The following GAS7 variants were observed in gnomAD, a reference collection of about 807,000 sequenced individuals.
The protein encoded by GAS7 is growth arrest specific 7, also known as growth arrest-specific protein 7.
Under a neutral mutation model 71.1 loss-of-function variants are expected in GAS7, and 28 were observed. That is an observed-to-expected ratio of 0.39 (90% CI 0.29 to 0.54). The LOEUF (loss-of-function observed/expected upper bound fraction) is 0.54, where lower values mean the gene tolerates loss of function less well. Among genes scored for constraint, GAS7 ranks in the 20% least tolerant of loss-of-function variants. GAS7 has a pLI of 0.62. For synonymous variants in GAS7, 258 were observed against 245.8 expected (o/e 1.05, Z -0.46); for missense variants, 436 against 627.8 (o/e 0.69, Z 3.27).
At chr17:10,179,136 C>T (rs1052910970) in intron 1 of GAS7, among the ~76,000 whole-genome samples, 2 of 151,978 alleles carry the variant, frequency 1.3e-5, no homozygotes, top group Non-Finnish European at 2.9e-5. Context: ...TCGAGACCAG[C>T]CTGACCAACA....
chr17:10,193,471 T>TA (rs2074517484), intron 1 of GAS7, among the ~76,000 whole-genome samples: 2 of 152,080 alleles, frequency 1.3e-5, no homozygotes, highest in Non-Finnish European at 2.9e-5. Context: ...GCCTCCCTCA[T>TA]AACCGCACCT....
chr17:9,951,940 G>T (rs1033953939), intron 5 of GAS7, among the ~76,000 whole-genome samples: 1 of 152,016 alleles, frequency 6.6e-6, no homozygotes, highest in African/African-American at 2.4e-5. Flanking sequence ...ACCCCAGCAG[G>T]CCTGTGCAGA....
At chr17:10,057,895 C>T (rs531272189) in intron 1 of GAS7, among the ~76,000 whole-genome samples, 2 of 152,370 alleles carry the variant, frequency 1.3e-5, no homozygotes, top group Non-Finnish European at 2.9e-5. Flanking sequence ...CCATTTTGTT[C>T]TGTACTAAGA....
chr17:9,981,125 C>G lies in GAS7; in HGVS notation c.385+679G>C, dbSNP rs2070395207. Among the ~76,000 whole-genome samples the G allele has an allele frequency of 6.6e-6, 1 of 152,142 alleles. No homozygotes were observed. Among genetic ancestry groups the G allele is most frequent in the South Asian group, 2.1e-4 (1 of 4,820 alleles). On this transcript the variant is annotated intron_variant, in intron 3 of 13. Transcript: ENST00000432992. The surrounding 1 kb of genome is among the most constrained non-coding windows in gnomAD (Gnocchi z 4.4). ...TGGCCAACATGGCGAAATCCCGTCT[C>G]TACTAAAAATACACAAATTAGCCGG...
At chr17:10,048,458 A>C (rs1049218371) in intron 1 of GAS7, among the ~76,000 whole-genome samples, 4 of 152,242 alleles carry the variant, frequency 2.6e-5, no homozygotes, top group Non-Finnish European at 5.9e-5. Context: ...TAAAAGCTCC[A>C]TACAGCAGGG....
At chr17:10,154,716 A>G (rs745962670) in intron 1 of GAS7, among the ~76,000 whole-genome samples, 11 of 152,152 alleles carry the variant, frequency 7.2e-5, no homozygotes, top group Non-Finnish European at 1.5e-4. Context: ...TTCAAAACTC[A>G]GTCCAAACCC....
At chr17:10,157,323 C>A (rs890772804) in intron 1 of GAS7, among the ~76,000 whole-genome samples, 30 of 152,142 alleles carry the variant, frequency 2.0e-4, no homozygotes, top group African/African-American at 7.0e-4. Context: ...TTACTGTCAA[C>A]TGCCCCCGGG....
In GAS7 at chr17:9,934,206, A is replaced by C; in HGVS notation, c.845T>G (p.Leu282Arg). The change falls in exon 9 of 14, where the codon CTG becomes CGG. Residue 282 changes from leucine (L) to arginine (R), a missense_variant. By Grantham distance (102) the Leu-to-Arg change is moderately radical. Coordinates refer to ENST00000432992, the MANE Select transcript of GAS7 (RefSeq NM_201433.2). ...GAGGTGAACTTCTGCTTCGTCCGCC[A>C]GGCTCTTCTTCACCTGGGCCCACGC... ...GEAWAQVKKSLADEAEVHLKF... is the reference protein window; with the variant it reads ...GEAWAQVKKSRADEAEVHLKF... 6.2e-7 allele frequency: 1 copy of C among 1,613,288 alleles called. No homozygotes were observed. Among genetic ancestry groups the C allele is most frequent in the Non-Finnish European group, 8.5e-7 (1 of 1,179,356 alleles).
At chr17:10,098,714 C>G (rs1190217743) in intron 1 of GAS7, among the ~76,000 whole-genome samples, 1 of 152,172 alleles carries the variant, frequency 6.6e-6, no homozygotes, top group Non-Finnish European at 1.5e-5. Context: ...AATCCCAGCA[C>G]TTTGGGAGGC....
chr17:10,040,878 C>T lies in GAS7; in HGVS notation c.184-20981G>A, dbSNP rs546429749. Among the ~76,000 whole-genome samples the T allele has an allele frequency of 3.6e-4, 55 of 152,072 alleles. 1 individual carries two copies. Among genetic ancestry groups the T allele is most frequent in the Admixed American group, 2.9e-3 (45 of 15,276 alleles). On this transcript the variant is annotated intron_variant, in intron 1 of 13. Transcript: ENST00000432992. Reference sequence around the variant, plus strand: ...GCTCTCACCCATAAGAAGGTAAAAGCGGGCCGGGCACGGTGGCTCACACCT... The same window carrying T: ...GCTCTCACCCATAAGAAGGTAAAAGTGGGCCGGGCACGGTGGCTCACACCT...
Position 9,919,969 on chromosome 17 carries a change from TTGTGTGTGTG to T in GAS7, c.1139-274_1139-265del, listed in dbSNP as rs34994635. 4.8e-3 allele frequency among the ~76,000 whole-genome samples: 628 copies of T among 131,492 alleles called. 2 individuals carry two copies. Among genetic ancestry groups the T allele is most frequent in the East Asian group, 0.026 (112 of 4,254 alleles). 86.3% of individuals were successfully genotyped at this position (131,492 alleles called of 152,430 possible). A position where few individuals can be genotyped will look rare whatever the true frequency, so the allele number is the denominator to read the frequency against. On this transcript the variant is annotated intron_variant, in intron 11 of 13. Coordinates refer to ENST00000432992, the MANE Select transcript of GAS7 (RefSeq NM_201433.2). The surrounding 1 kb of genome is among the most constrained non-coding windows in gnomAD (Gnocchi z 5.0). Reference sequence around the variant, plus strand: ...AGGATTCAGGATGGTGGTTCTCATTTTGTGTGTGTGTGTGTGTGTGTGTGTGTGTGTGTGT... The same window carrying T: ...AGGATTCAGGATGGTGGTTCTCATTTTGTGTGTGTGTGTGTGTGTGTGTGT...
intron 6 of GAS7, among the ~76,000 whole-genome samples, chr17:9,946,491 A>C (rs2068791181): frequency 6.6e-6 from 1 of 152,202 alleles, no homozygotes. Flanking sequence ...CAACTGCCTC[A>C]CAATTCTGAT....
rs998391589 is a variant in GAS7, at chr17:9,912,330, G to A, written c.*4898C>T. On this transcript the variant is annotated 3_prime_UTR_variant, in exon 14 of 14. Coordinates refer to ENST00000432992, the MANE Select transcript of GAS7 (RefSeq NM_201433.2). The stretch of plus-strand genomic sequence containing the variant: ...GGTACATCATTGGAAATGAGAAAGG[G>A]AGGAGGTACATGCAGTTGCCGGTGG... 3 of 232,934 alleles carry A rather than the reference G, an allele frequency of 1.3e-5. No individual in the cohort carries two copies. The highest frequency in any genetic ancestry group is 4.4e-5 in the African/African-American group (2 of 45,328). 14.4% of individuals were successfully genotyped at this position (232,934 alleles called of 1,614,324 possible).
chr17:9,922,620 T>A (rs2067858456), intron 11 of GAS7, among the ~76,000 whole-genome samples: 1 of 152,050 alleles, frequency 6.6e-6, no homozygotes, highest in South Asian at 2.1e-4. Flanking sequence ...AATTCCAAAC[T>A]ACAGGAATGA....
intron 1 of GAS7, among the ~76,000 whole-genome samples, chr17:10,175,522 T>C (rs2074367745): frequency 6.6e-6 from 1 of 152,242 alleles, no homozygotes; most frequent in Non-Finnish European, 1.5e-5. Context: ...TGTGTGTATC[T>C]GTGTCCTCAT....
At chr17:9,950,642 G>A (rs995616949) in intron 5 of GAS7, among the ~76,000 whole-genome samples, 1 of 152,116 alleles carries the variant, frequency 6.6e-6, no homozygotes, top group Non-Finnish European at 1.5e-5. Flanking sequence ...CGGATCACAA[G>A]GTCAGAAGTT....
At chr17:10,027,122 G>A (rs2072483120) in intron 1 of GAS7, 1 of 152,174 alleles carries the variant, frequency 6.6e-6, no homozygotes, top group African/African-American at 2.4e-5. Context: ...GGTTGGGAGA[G>A]CTGCCATATC....
rs1308214985 is a variant in GAS7, at chr17:10,103,109, T to G, written c.184-83212A>C. 6.6e-6 allele frequency among the ~76,000 whole-genome samples: 1 copy of G among 152,036 alleles called. No individual in the cohort carries two copies. The highest frequency in any genetic ancestry group is 1.5e-5 in the Non-Finnish European group (1 of 67,994). ...GCTCACACCTGTAATCCCAGCATTT[T>G]GGGAGGCCGAGGTGGGCAGATTGCT... On this transcript the variant is annotated intron_variant, in intron 1 of 13. Coordinates refer to ENST00000432992, the MANE Select transcript of GAS7 (RefSeq NM_201433.2). The surrounding 1 kb of genome is among the most constrained non-coding windows in gnomAD (Gnocchi z 5.5).
intron 1 of GAS7, among the ~76,000 whole-genome samples, chr17:10,074,160 G>T (rs1346011469): frequency 6.6e-6 from 1 of 152,202 alleles, no homozygotes; most frequent in Non-Finnish European, 1.5e-5. Context: ...CGTCCAGAAA[G>T]TTCCTGGGAG....
Sources: allele counts gnomAD v4.1 joint callset (sites outside exome capture counted in the v4.1 genomes callset), GRCh38; gene constraint gnomAD v4.1.1; non-coding constraint Gnocchi (gnomAD v3.1); transcripts MANE v1.5; gene names NCBI Gene and HGNC (gene_info 2026-07-23, HGNC 2026-07-21).